The following BCAS1 variants were observed in gnomAD, a reference collection of about 807,000 sequenced individuals.
The protein encoded by BCAS1 is brain enriched myelin associated protein 1, also known as breast carcinoma-amplified sequence 1.
A neutral mutation model predicts 65.4 loss-of-function variants in BCAS1; 46 were observed. That is an observed-to-expected ratio of 0.70 (90% CI 0.55 to 0.90). BCAS1 has a LOEUF of 0.90. Ranked by LOEUF, BCAS1 falls within the 40% of genes least tolerant of loss-of-function variation. BCAS1 has a pLI of 0.00. For synonymous variants in BCAS1, 298 were observed against 293.5 expected (o/e 1.02, Z -0.16); for missense variants, 793 against 771.2 (o/e 1.03, Z -0.33).
At chr20:54,043,750 G>A (rs921303728) in intron 3 of BCAS1, among the ~76,000 whole-genome samples, 6 of 152,104 alleles carry the variant, frequency 3.9e-5, no homozygotes, top group African/African-American at 7.2e-5. Context: ...TCTGGGCTCC[G>A]GCTACAGAAA....
At chr20:54,040,717 G>A (rs910080343) in intron 3 of BCAS1, among the ~76,000 whole-genome samples, 5 of 151,148 alleles carry the variant, frequency 3.3e-5, no homozygotes, top group East Asian at 1.9e-4. Flanking sequence ...TGAAAAAATC[G>A]GAATGCTCAT....
intron 3 of BCAS1, among the ~76,000 whole-genome samples, chr20:54,050,907 A>G (rs1016075363): frequency 1.3e-5 from 2 of 152,182 alleles, no homozygotes; most frequent in African/African-American, 4.8e-5. Flanking sequence ...CTGGCCATCT[A>G]TCTCTTTAGG....
intron 4 of BCAS1, among the ~76,000 whole-genome samples, chr20:54,027,813 A>AAC (rs1555874699): frequency 6.6e-6 from 1 of 151,082 alleles, no homozygotes; most frequent in Non-Finnish European, 1.5e-5. Flanking sequence ...CAAAAAAAAA[A>AAC]CCCAAAACCC....
chr20:53,949,525 A>G (rs1305824327), intron 12 of BCAS1, among the ~76,000 whole-genome samples: 1 of 152,212 alleles, frequency 6.6e-6, no homozygotes, highest in East Asian at 1.9e-4. Context: ...GGGTGGTGAC[A>G]GGCTCGGCTG....
Position 53,944,971 on chromosome 20 carries a change from T to A in BCAS1, c.1841A>T (p.Gln614Leu). Residue 614 changes from glutamine (Q) to leucine (L), a missense_variant, in exon 13 of 13, where the codon CAA becomes CTA. Transcript: ENST00000688948. ...GATGGATACTGGGTCTGTTTGCACT[T>A]GAGCATCCAACATCCGCTTTGGTCC... ...GLGPKRMLDA[Q>L]VQTDPVSIGP... 1 of 1,614,100 alleles carries A rather than the reference T, an allele frequency of 6.2e-7. No homozygotes were observed. Among genetic ancestry groups the A allele is most frequent in the South Asian group, 1.1e-5 (1 of 91,078 alleles).
In BCAS1 at chr20:53,985,447, T is replaced by C. The variant is rs1568844810; in HGVS notation, c.1115A>G (p.Asn372Ser). The C allele has an allele frequency of 1.2e-6, 2 of 1,613,964 alleles. No individual in the cohort carries two copies. The highest frequency in any genetic ancestry group is 1.7e-6 in the Non-Finnish European group (2 of 1,179,964). Residue 372 changes from asparagine to serine, a missense_variant, in exon 8 of 13, where the codon AAC becomes AGC. Physicochemically the swap from Asn to Ser is conservative, Grantham distance 46. Transcript: ENST00000688948. ...CCCTTGGGTCTCCTGGGATGTAAAG[T>C]TGGCTTTGTCTGACTTAAGGTCAGC... ...TSADLKSDKA[N>S]FTSQETQGAG...
chr20:53,975,071 C>T (rs931459610), intron 9 of BCAS1, among the ~76,000 whole-genome samples: 9 of 152,134 alleles, frequency 5.9e-5, no homozygotes, highest in Non-Finnish European at 8.8e-5. Context: ...AAGCAGAAGG[C>T]GGAGCATCAT....
At chr20:53,992,407 C>A in intron 7 of BCAS1, 105 bp downstream of exon 7, 1 of 972,140 alleles carries the variant, frequency 1.0e-6, no homozygotes, top group Non-Finnish European at 1.4e-6. Context: ...CCCCACCACC[C>A]AAGGCTCTGT....
At chr20:53,993,529 T>C (rs1050482993) in intron 6 of BCAS1, among the ~76,000 whole-genome samples, 1 of 152,158 alleles carries the variant, frequency 6.6e-6, no homozygotes, top group Non-Finnish European at 1.5e-5. Flanking sequence ...GGTGAGATTT[T>C]ATCAGCTGGG....
intron 11 of BCAS1, among the ~76,000 whole-genome samples, chr20:53,954,336 G>GA (rs1159772238): frequency 2.4e-4 from 20 of 83,902 alleles, no homozygotes; most frequent in East Asian, 8.3e-4. Flanking sequence ...AGAGAGAGAG[G>GA]GACCAGGCAT....
intron 12 of BCAS1, among the ~76,000 whole-genome samples, chr20:53,949,156 G>A (rs2089431342): frequency 6.6e-6 from 1 of 151,838 alleles, no homozygotes; most frequent in Non-Finnish European, 1.5e-5. Flanking sequence ...AATCAGAATA[G>A]TTTCACTTTT....
chr20:54,047,334 C>T (rs924521165), intron 3 of BCAS1, among the ~76,000 whole-genome samples: 1 of 152,134 alleles, frequency 6.6e-6, no homozygotes, highest in Admixed American at 6.5e-5. Context: ...TAGGACCAGC[C>T]CAGAGGGGAC....
rs774054305 is a variant in BCAS1 at position 54,058,041 on chromosome 20, C to G, written c.142+44G>C. On this transcript the variant is annotated intron_variant, in intron 3 of 12. Coordinates refer to ENST00000688948, the MANE Select transcript of BCAS1 (RefSeq NM_001366298.2). ...CCGTAAACAGCATCTGCAGACCCCC[C>G]TTCCCCACGAGAGGGTAGATGCCCT... 7 of 1,451,294 alleles carry G rather than the reference C, an allele frequency of 4.8e-6. No individual in the cohort carries two copies. In the East Asian group the frequency reaches 1.6e-4, roughly 33 times the overall value. 89.9% of individuals were successfully genotyped at this position (1,451,294 alleles called of 1,614,324 possible). A position where few individuals can be genotyped will look rare whatever the true frequency, so the allele number is the denominator to read the frequency against.
chr20:53,979,661 C>T (rs1407189960), intron 8 of BCAS1, among the ~76,000 whole-genome samples: 7 of 152,118 alleles, frequency 4.6e-5, no homozygotes, highest in Admixed American at 3.3e-4. Flanking sequence ...GGGTGACCAC[C>T]CAGTAGGGAC....
At chr20:53,998,842 CA>C (rs201684749) in intron 4 of BCAS1, among the ~76,000 whole-genome samples, 2,420 of 152,242 alleles carry the variant, frequency 0.016, 54 homozygotes, top group African/African-American at 0.055. Context: ...TTACAGCATG[CA>C]AACCACTATA....
chr20:54,052,675 C>T (rs1026043237), intron 3 of BCAS1, among the ~76,000 whole-genome samples: 1 of 152,178 alleles, frequency 6.6e-6, no homozygotes, highest in Non-Finnish European at 1.5e-5. Flanking sequence ...GAGGACACAG[C>T]ATTCCTCCCC....
In BCAS1 at chr20:53,965,625, T is replaced by C. The variant is rs187574143; in HGVS notation, c.1485+1281A>G. ...CATGGCTAATTCATCAACTAAGTTA[T>C]ATATTTCACTATTGGAATATTATGT... On this transcript the variant is annotated intron_variant, in intron 10 of 12. Transcript: ENST00000688948. Among the ~76,000 whole-genome samples the C allele has an allele frequency of 4.8e-4, 73 of 152,352 alleles. 1 individual carries two copies. Among genetic ancestry groups the C allele is most frequent in the Admixed American group, 5.9e-4 (9 of 15,302 alleles).
intron 7 of BCAS1, among the ~76,000 whole-genome samples, chr20:53,988,113 C>T (rs760155002): frequency 4.6e-5 from 7 of 152,146 alleles, no homozygotes; most frequent in South Asian, 2.1e-4. Context: ...CATGGCCCCA[C>T]GCTATTTTGG....
intron 12 of BCAS1, among the ~76,000 whole-genome samples, chr20:53,951,538 AG>A (rs1486506899): frequency 5.3e-5 from 8 of 152,236 alleles, no homozygotes; most frequent in Non-Finnish European, 1.0e-4. Flanking sequence ...CTGGTCCTTT[AG>A]GAACTTGCTA....
Sources: allele counts gnomAD v4.1 joint callset (sites outside exome capture counted in the v4.1 genomes callset), GRCh38; gene constraint gnomAD v4.1.1; transcripts MANE v1.5; gene names NCBI Gene and HGNC (gene_info 2026-07-23, HGNC 2026-07-21).